BCAS3: variants seen among roughly 807,000 people sequenced by gnomAD.
BCAS3 encodes BCAS3 microtubule associated cell migration factor.
In BCAS3, 53 loss-of-function variants were observed where a neutral mutation model predicts 116.1. That is an observed-to-expected ratio of 0.46 (90% CI 0.37 to 0.57). The LOEUF is 0.57. Ranked by LOEUF, BCAS3 falls within the 20% of genes least tolerant of loss-of-function variation. The probability of loss-of-function intolerance (pLI) is 0.00; values close to 1 mark genes in which losing one functional copy is unlikely to be tolerated. For synonymous variants in BCAS3, 391 were observed against 408.2 expected (o/e 0.96, Z 0.51); for missense variants, 917 against 1,165.4 (o/e 0.79, Z 3.10).
chr17:61,169,353 A>G (rs191091226), intron 22 of BCAS3, among the ~76,000 whole-genome samples: 1 of 152,350 alleles, frequency 6.6e-6, no homozygotes, highest in East Asian at 1.9e-4. Flanking sequence ...TCCTTTACAT[A>G]GAAGTAGAAT....
chr17:61,166,162 T>C (rs1254785636), intron 22 of BCAS3, among the ~76,000 whole-genome samples: 10 of 152,152 alleles, frequency 6.6e-5, no homozygotes, highest in Non-Finnish European at 8.8e-5. Flanking sequence ...AGGATTCCTT[T>C]TGGCAGATTA....
At position 61,004,567 on chromosome 17, in the gene BCAS3, A is replaced by G. The variant is rs1422442163; in HGVS notation, c.1487-11184A>G. ...TAGAAATCTGCTAGTTGATAGTTGT[A>G]AACTACAAAAGGACAACAAGACAGG... On this transcript the variant is annotated intron_variant, in intron 15 of 23. Transcript: ENST00000407086. This position sits in a 1 kb window ranked among gnomAD's most constrained non-coding sequence, Gnocchi z 4.8. Among the ~76,000 whole-genome samples the G allele has an allele frequency of 2.0e-5, 3 of 152,116 alleles. No individual in the cohort carries two copies. The highest frequency in any genetic ancestry group is 4.4e-5 in the Non-Finnish European group (3 of 68,006).
Position 61,008,831 on chromosome 17 carries a change from A to T in BCAS3, c.1487-6920A>T, listed in dbSNP as rs906428935. The stretch of plus-strand genomic sequence containing the variant: ...AAAGTGTTGCAAAGAGGGCAAAAAT[A>T]AAGGAGATATTTGGGACTGGGGCTG... On this transcript the variant is annotated intron_variant, in intron 15 of 23. Coordinates refer to ENST00000407086, the MANE Select transcript of BCAS3 (RefSeq NM_017679.5). This position sits in a 1 kb window ranked among gnomAD's most constrained non-coding sequence, Gnocchi z 4.6. Among the ~76,000 whole-genome samples, 4 of 152,090 alleles carry T rather than the reference A, an allele frequency of 2.6e-5. No individual in the cohort carries two copies. Among genetic ancestry groups the T allele is most frequent in the Admixed American group, 1.3e-4 (2 of 15,252 alleles).
chr17:60,796,093 T>C (rs1441146298), intron 6 of BCAS3, among the ~76,000 whole-genome samples: 1 of 152,238 alleles, frequency 6.6e-6, no homozygotes. Flanking sequence ...TTGATCATGG[T>C]GAAATATCTT....
At chr17:60,913,251 A>G (rs1463635048) in intron 12 of BCAS3, among the ~76,000 whole-genome samples, 1 of 152,086 alleles carries the variant, frequency 6.6e-6, no homozygotes, top group Non-Finnish European at 1.5e-5. Context: ...GTTGTTCAAC[A>G]TGGAACATTC....
At chr17:61,374,674 G>A (rs897174224) in intron 23 of BCAS3, among the ~76,000 whole-genome samples, 1 of 152,172 alleles carries the variant, frequency 6.6e-6, no homozygotes, top group African/African-American at 2.4e-5. Context: ...TATTCTTGGG[G>A]ATAACATAGT....
intron 9 of BCAS3, among the ~76,000 whole-genome samples, chr17:60,888,127 G>C (rs867048714): frequency 6.6e-6 from 1 of 152,206 alleles, no homozygotes; most frequent in South Asian, 2.1e-4. Context: ...GCTGATTCCA[G>C]CTATAAAGCA....
intron 22 of BCAS3, among the ~76,000 whole-genome samples, chr17:61,269,875 C>T (rs2050093075): frequency 1.3e-5 from 2 of 150,900 alleles, no homozygotes; most frequent in Non-Finnish European, 2.9e-5. Context: ...ATGACCTTGG[C>T]TTACTGCAAC....
At chr17:61,070,844 T>C (rs2071358080) in intron 19 of BCAS3, among the ~76,000 whole-genome samples, 1 of 152,208 alleles carries the variant, frequency 6.6e-6, no homozygotes, top group Admixed American at 6.5e-5. Context: ...ACTTACTGAT[T>C]TCTTTGTATG....
At chr17:61,184,933 T>C (rs970982054) in intron 22 of BCAS3, among the ~76,000 whole-genome samples, 2 of 150,640 alleles carry the variant, frequency 1.3e-5, no homozygotes, top group Non-Finnish European at 3.0e-5. Flanking sequence ...GGGCCAGGAG[T>C]TGGGGGAAAG....
intron 7 of BCAS3, among the ~76,000 whole-genome samples, chr17:60,862,592 C>G (rs1482076769): frequency 6.6e-6 from 1 of 152,096 alleles, no homozygotes; most frequent in African/African-American, 2.4e-5. Context: ...TTTCTAGTTT[C>G]TGTGCATAGA....
chr17:61,192,928 T>C (rs776865171), intron 22 of BCAS3, among the ~76,000 whole-genome samples: 12 of 152,198 alleles, frequency 7.9e-5, no homozygotes, highest in Non-Finnish European at 1.3e-4. Flanking sequence ...AAGACAAATA[T>C]TGAGATACTG....
intron 15 of BCAS3, among the ~76,000 whole-genome samples, chr17:61,010,257 ATGTC>A (rs1189504481): frequency 2.0e-5 from 3 of 151,878 alleles, no homozygotes; most frequent in South Asian, 2.1e-4. Flanking sequence ...ATAGTATAGA[ATGTC>A]TGGGAAAACA....
intron 5 of BCAS3, among the ~76,000 whole-genome samples, chr17:60,725,568 A>C (rs779341482): frequency 2.0e-5 from 3 of 152,078 alleles, no homozygotes; most frequent in Non-Finnish European, 4.4e-5. Context: ...CCCGACCAGG[A>C]GTGATTTTGT....
At chr17:61,176,546 T>TATTC in intron 22 of BCAS3, among the ~76,000 whole-genome samples, 1 of 150,366 alleles carries the variant, frequency 6.7e-6, no homozygotes, top group Non-Finnish European at 1.5e-5. Context: ...TTTATTTATT[T>TATTC]ATTTATTTAT....
chr17:60,972,179 TA>T (rs1272447661), intron 14 of BCAS3, among the ~76,000 whole-genome samples: 1 of 152,234 alleles, frequency 6.6e-6, no homozygotes, highest in Non-Finnish European at 1.5e-5. Context: ...TACAGTCATG[TA>T]AGCCATTAAT....
intron 7 of BCAS3, among the ~76,000 whole-genome samples, chr17:60,858,529 T>C (rs1419358720): frequency 2.6e-5 from 4 of 152,224 alleles, no homozygotes; most frequent in Non-Finnish European, 1.5e-5. Flanking sequence ...CTGAGTACTT[T>C]TCATTGCATT....
chr17:61,292,065 C>G (rs1026042134), intron 22 of BCAS3, among the ~76,000 whole-genome samples: 1 of 152,128 alleles, frequency 6.6e-6, no homozygotes, highest in African/African-American at 2.4e-5. Context: ...CAGGAGGCAG[C>G]TGCCAGCATG....
intron 19 of BCAS3, among the ~76,000 whole-genome samples, chr17:61,044,642 CTAAT>C (rs1254885930): frequency 1.3e-5 from 2 of 151,330 alleles, no homozygotes; most frequent in African/African-American, 4.9e-5. Flanking sequence ...TCCAGGTGGA[CTAAT>C]ATTGGGATAA....
Sources: gnomAD v4.1 joint callset for allele counts (sites outside exome capture counted in the v4.1 genomes callset) on GRCh38, gnomAD v4.1.1 for gene constraint, Gnocchi (gnomAD v3.1) non-coding constraint, MANE v1.5 for transcripts, NCBI Gene and HGNC (gene_info 2026-07-23, HGNC 2026-07-21) for gene names.